NAV1: variants seen among roughly 807,000 people sequenced by gnomAD.
NAV1 encodes neuron navigator 1, also known as pore membrane and/or filament interacting like protein 3.
In NAV1, 18 loss-of-function variants were observed where a neutral mutation model predicts 175.2. That is an observed-to-expected ratio of 0.10 (90% CI 0.07 to 0.15). NAV1 has a LOEUF of 0.15. Ranked by LOEUF, NAV1 falls within the 10% of genes least tolerant of loss-of-function variation. The pLI is 1.00. For synonymous variants in NAV1, 897 were observed against 978.7 expected (o/e 0.92, Z 1.56); for missense variants, 1,731 against 2,436.6 (o/e 0.71, Z 6.10).
rs142720394 is a variant in NAV1 at position 201,675,611 on chromosome 1, A to G, written c.757+26186A>G. On this transcript the variant is annotated intron_variant, in intron 1 of 29. Coordinates refer to ENST00000367296, the Ensembl canonical transcript of NAV1. ...TTTTACTCATCCCAGAGGAATTTGC[A>G]CATTTAAATATCGTCTCTTTCCCTC... Among the ~76,000 whole-genome samples, 81 of 152,344 alleles carry G rather than the reference A, an allele frequency of 5.3e-4. 1 individual carries two copies. Among genetic ancestry groups the G allele is most frequent in the African/African-American group, 1.9e-3 (78 of 41,594 alleles).
chr1:201,568,872 G>A (rs974643044), intron 1 of NAV1, among the ~76,000 whole-genome samples: 15 of 151,888 alleles, frequency 9.9e-5, no homozygotes, highest in African/African-American at 3.4e-4. Flanking sequence ...CCTCATGCAT[G>A]CGCAGAAGTT....
At chr1:201,734,452 GGAGGAGGAGGAGGAGGAA>G (rs937520393) in intron 3 of NAV1, among the ~76,000 whole-genome samples, 1 of 72,738 alleles carries the variant, frequency 1.4e-5, no homozygotes, top group African/African-American at 3.9e-5. Flanking sequence ...AAGAAGAAGA[GGAGGAGGAGGAGGAGGAA>G]GAGGAGGAGG....
chr1:201,707,044 G>A (rs1163353611), intron 1 of NAV1, among the ~76,000 whole-genome samples: 2 of 152,160 alleles, frequency 1.3e-5, no homozygotes, highest in African/African-American at 2.4e-5. Context: ...CCAAGAGAAC[G>A]GGATTGAAGA....
intron 2 of NAV1, among the ~76,000 whole-genome samples, chr1:201,616,238 G>A (rs1187940326): frequency 6.6e-6 from 1 of 152,120 alleles, no homozygotes; most frequent in African/African-American, 2.4e-5. Flanking sequence ...TTTGGACCCA[G>A]GCATTCTGGC....
chr1:201,737,929 G>C (rs936568008), intron 3 of NAV1, among the ~76,000 whole-genome samples: 10 of 152,192 alleles, frequency 6.6e-5, no homozygotes, highest in African/African-American at 2.4e-4. Flanking sequence ...ACCCAGGCCA[G>C]CTCCAGCACA....
intron 1 of NAV1, among the ~76,000 whole-genome samples, chr1:201,549,133 TTCTTTCTTTCTTCTTTC>T (rs1184846836): frequency 6.9e-6 from 1 of 144,218 alleles, no homozygotes; most frequent in Non-Finnish European, 1.6e-5. Context: ...CTTTCTTTCT[TTCTTTCTTTCTTCTTTC>T]TCTCTCTCTC....
chr1:201,626,201 C>G (rs969467459), intron 1 of NAV1, among the ~76,000 whole-genome samples: 25 of 152,224 alleles, frequency 1.6e-4, no homozygotes, highest in Admixed American at 1.1e-3. Flanking sequence ...GCTGGGCCAC[C>G]CTTCAAAGCT....
At chr1:201,627,586 T>G (rs1668370818) in intron 1 of NAV1, among the ~76,000 whole-genome samples, 1 of 141,310 alleles carries the variant, frequency 7.1e-6, no homozygotes, top group South Asian at 2.3e-4. Context: ...CTGCCTATTC[T>G]TATTTTTAAC....
At chr1:201,604,240 A>G (rs935780289) in intron 2 of NAV1, among the ~76,000 whole-genome samples, 1 of 152,080 alleles carries the variant, frequency 6.6e-6, no homozygotes, top group Non-Finnish European at 1.5e-5. Context: ...TTTTTTGTAG[A>G]GGTGGTGATC....
intron 3 of NAV1, among the ~76,000 whole-genome samples, chr1:201,762,985 GA>G (rs930572665): frequency 4.2e-4 from 62 of 149,166 alleles, no homozygotes; most frequent in Admixed American, 2.7e-4. Flanking sequence ...TTTAGAAAGA[GA>G]AAAAAAAAAT....
At chr1:201,557,373 G>A (rs970505956) in intron 1 of NAV1, among the ~76,000 whole-genome samples, 23 of 152,224 alleles carry the variant, frequency 1.5e-4, no homozygotes, top group Admixed American at 8.5e-4. Context: ...GCCTTCAGAC[G>A]TGTCCTGAGG....
chr1:201,686,753 G>A (rs1017962789), intron 1 of NAV1, among the ~76,000 whole-genome samples: 4 of 152,064 alleles, frequency 2.6e-5, no homozygotes, highest in Non-Finnish European at 5.9e-5. Flanking sequence ...ATTGGCTTCC[G>A]GGCAGCAATC....
intron 1 of NAV1, among the ~76,000 whole-genome samples, chr1:201,682,528 A>G (rs1367905184): frequency 6.6e-6 from 1 of 152,068 alleles, no homozygotes; most frequent in East Asian, 1.9e-4. Flanking sequence ...TTTAGCATCT[A>G]CTACATATTG....
intron 3 of NAV1, among the ~76,000 whole-genome samples, chr1:201,741,730 C>G (rs566038819): frequency 6.6e-6 from 1 of 152,336 alleles, no homozygotes; most frequent in South Asian, 2.1e-4. Context: ...ATCACTCTTT[C>G]CTTCCTACTC....
intron 3 of NAV1, among the ~76,000 whole-genome samples, chr1:201,756,993 G>A (rs137997283): frequency 0.01 from 1,552 of 152,000 alleles, 20 homozygotes; most frequent in African/African-American, 0.035. Context: ...GGCAGGTCTG[G>A]CATAGGAGTA....
upstream of NAV1, chr1:201,648,121 CCCT>C: frequency 2.4e-6 from 1 of 410,052 alleles, no homozygotes; most frequent in Non-Finnish European, 3.3e-6. Flanking sequence ...ACACTCGCTC[CCCT>C]CCTCCTGTTT....
intron 28 of NAV1, 57 bp from the exon 33 acceptor site, chr1:201,817,031 G>C (rs749041362): frequency 4.3e-5 from 66 of 1,536,260 alleles, no homozygotes; most frequent in Non-Finnish European, 5.6e-5. Flanking sequence ...AAGACTGCAT[G>C]AACAAGCCTC....
At chr1:201,743,232 C>T (rs1367413929) in intron 3 of NAV1, among the ~76,000 whole-genome samples, 1 of 152,188 alleles carries the variant, frequency 6.6e-6, no homozygotes, top group East Asian at 1.9e-4. Flanking sequence ...CTTACCAATA[C>T]CAGTTGAGGC....
chr1:201,684,977 A>C (rs964219104), intron 1 of NAV1, among the ~76,000 whole-genome samples: 20 of 135,394 alleles, frequency 1.5e-4, no homozygotes, highest in African/African-American at 4.8e-4. Flanking sequence ...AAAAAAAAAA[A>C]CCCACAACCC....
Sources: allele counts gnomAD v4.1 joint callset (sites outside exome capture counted in the v4.1 genomes callset), GRCh38; gene constraint gnomAD v4.1.1; transcripts MANE v1.5; gene names NCBI Gene and HGNC (gene_info 2026-07-23, HGNC 2026-07-21).